GGT1: variants seen among roughly 807,000 people sequenced by gnomAD.
The protein encoded by GGT1 is gamma-glutamyltransferase 1.
GGT1 carries 21 observed loss-of-function variants against 56.0 expected under a neutral mutation model. The ratio of observed to expected loss-of-function variants is 0.38; its 90% confidence interval spans 0.27 to 0.54. The LOEUF (loss-of-function observed/expected upper bound fraction) is 0.54. Among genes scored for constraint, GGT1 ranks in the 20% least tolerant of loss-of-function variants. The pLI is 0.82. For missense variants in GGT1, 466 were observed against 787.0 expected, an observed-to-expected ratio of 0.59 and a Z score of 4.88; for synonymous variants, 238 against 342.6, an observed-to-expected ratio of 0.69 and a Z score of 3.37.
chr22:24,586,512 G>T, the GGT1 span: 1 of 1,244,776 alleles, frequency 8.0e-7, no homozygotes, highest in Non-Finnish European at 1.1e-6. Flanking sequence ...CTACAGTCTG[G>T]CAAAGCCAGA....
chr22:24,617,115 A>G (rs1415967677), intron 7 of GGT1, among the ~76,000 whole-genome samples: 1 of 152,154 alleles, frequency 6.6e-6, no homozygotes, highest in African/African-American at 2.4e-5. Flanking sequence ...CTGTAGAAAA[A>G]CAGGTCTGGA....
chr22:24,590,468 TG>T (rs2045536562), upstream of GGT1, among the ~76,000 whole-genome samples: 2 of 151,968 alleles, frequency 1.3e-5, no homozygotes, highest in South Asian at 2.1e-4. Flanking sequence ...CTCAGGGAAG[TG>T]GTAAGTGAAT....
chr22:24,603,687 T>TA (rs766887762), intron 1 of GGT1, among the ~76,000 whole-genome samples, 160 bp downstream of exon 1: 1 of 151,586 alleles, frequency 6.6e-6, no homozygotes, highest in Non-Finnish European at 1.5e-5. Context: ...GAGAGAGCCG[T>TA]GGCTTCTTGG....
At chr22:24,586,880 C>T in the GGT1 span, among the ~76,000 whole-genome samples, 1 of 152,232 alleles carries the variant, frequency 6.6e-6, no homozygotes, top group Non-Finnish European at 1.5e-5. Context: ...CTCAGAGGCT[C>T]AGTTTCCCCT....
At chr22:24,589,805 T>G in the GGT1 span, 1 of 1,606,618 alleles carries the variant, frequency 6.2e-7, no homozygotes, top group African/African-American at 1.3e-5. Flanking sequence ...CCAGGGCCCG[T>G]GCCTGCCAGC....
At chr22:24,590,089 C>T (rs1375860786), upstream of GGT1, 10 of 1,022,750 alleles carry the variant, frequency 9.8e-6, no homozygotes, top group African/African-American at 6.6e-5. Context: ...TCCCCACAGG[C>T]GGCCATGGGC....
chr22:24,588,261 C>T, the GGT1 span: 13 of 1,613,552 alleles, frequency 8.1e-6, no homozygotes, highest in Admixed American at 1.2e-4. Context: ...GCTGCTGCTT[C>T]GAGTGAGGGG....
chr22:24,626,511 TTA>T (rs201858787), intron 11 of GGT1, among the ~76,000 whole-genome samples: 3,953 of 150,412 alleles, frequency 0.026, 113 homozygotes, highest in African/African-American at 0.073. Context: ...TTTATTTTTT[TTA>T]ATACGTGCAC....
At chr22:24,613,560 G>A (rs1425796121) in intron 5 of GGT1, among the ~76,000 whole-genome samples, 2 of 151,856 alleles carry the variant, frequency 1.3e-5, no homozygotes, top group Non-Finnish European at 2.9e-5. Flanking sequence ...GACCAGCCTG[G>A]CCAACATGGT....
chr22:24,602,309 T>A (rs73404977), upstream of GGT1, among the ~76,000 whole-genome samples: 3,752 of 152,240 alleles, frequency 0.025, 145 homozygotes, highest in African/African-American at 0.084. Context: ...CTCTTCCCCC[T>A]GGGGTGACCA....
chr22:24,627,003 C>T (rs2047828924), intron 11 of GGT1, among the ~76,000 whole-genome samples: 1 of 151,548 alleles, frequency 6.6e-6, no homozygotes, highest in East Asian at 1.9e-4. Flanking sequence ...GACCACTCTG[C>T]CCATACCTCA....
intron 9 of GGT1, 120 bp from the exon 10 acceptor site, chr22:24,622,987 G>A (rs1219743237): frequency 8.4e-7 from 1 of 1,195,690 alleles, no homozygotes; most frequent in Non-Finnish European, 1.2e-6. Flanking sequence ...GTAGGTACAG[G>A]CTTTTCCCCA....
intron 11 of GGT1, chr22:24,627,062 T>G (rs1278147275): frequency 2.4e-4 from 104 of 427,296 alleles, no homozygotes; most frequent in Non-Finnish European, 3.6e-4. Flanking sequence ...ACTTTCCCTG[T>G]GTGTGTTTGT....
chr22:24,620,810 C>T lies in GGT1; in HGVS notation c.576-103C>T, dbSNP rs1432374033. 19 of 1,494,974 alleles carry T rather than the reference C, an allele frequency of 1.3e-5. No individual in the cohort carries two copies. Among genetic ancestry groups the T allele is most frequent in the Non-Finnish European group, 1.6e-5 (18 of 1,115,450 alleles). 92.6% of individuals were successfully genotyped at this position (1,494,974 alleles called of 1,614,324 possible). On this transcript the variant is annotated intron_variant, in intron 8 of 15. Transcript: ENST00000400382. This position sits in a 1 kb window ranked among gnomAD's most constrained non-coding sequence, Gnocchi z 5.6. ...GACAGGGCCACCCACCTGTGACAGG[C>T]GCTGCCCCTGTTCTGCTCCGTTCTC... is the stretch of plus-strand genomic sequence containing the variant.
the GGT1 span, among the ~76,000 whole-genome samples, chr22:24,583,996 C>A: frequency 6.6e-6 from 1 of 152,200 alleles, no homozygotes; most frequent in Admixed American, 6.5e-5. Context: ...GCTCTCATAC[C>A]GTTTTGATTT....
chr22:24,617,779 C>T (rs534210072), intron 7 of GGT1, among the ~76,000 whole-genome samples: 1 of 152,058 alleles, frequency 6.6e-6, no homozygotes, highest in African/African-American at 2.4e-5. Flanking sequence ...GCAGCCCAGG[C>T]CAGCAGGTCA....
chr22:24,614,763 T>G lies in GGT1; in HGVS notation c.165-13T>G, dbSNP rs777317114. The G allele has an allele frequency of 1.2e-6, 2 of 1,613,330 alleles. No homozygotes were observed. The highest frequency in any genetic ancestry group is 1.7e-6 in the Non-Finnish European group (2 of 1,179,686). On this transcript the variant is annotated splice_polypyrimidine_tract_variant and intron_variant, in intron 5 of 15. Transcript: ENST00000400382. ...GCCTGCAGGTTCTCATGCCTTTATG[T>G]GCCACATGGCAGGGATGCACTGCGG... is the stretch of plus-strand genomic sequence containing the variant.
In GGT1 at chr22:24,628,158, G is replaced by A; in HGVS notation, c.1414G>A (p.Ala472Thr). The change falls in exon 14 of 16, where the codon GCT becomes ACT. Residue 472 changes from alanine (A) to threonine (T), a missense_variant. This residue lies in a region of GGT1 where 456 missense variants were observed against 716.7 expected (regional missense o/e 0.64). Coordinates refer to ENST00000400382, the MANE Select transcript of GGT1 (RefSeq NM_001288833.2). This position sits in a 1 kb window ranked among gnomAD's most constrained non-coding sequence, Gnocchi z 5.7. ...DGQVRMVVGA[A>T]GGTQITTATA... ...CCAGGTCCGGATGGTGGTGGGAGCT[G>A]CTGGGGGCACACAGATCACCACGGC... The A allele has an allele frequency of 2.5e-6, 4 of 1,612,038 alleles. No homozygotes were observed. The highest frequency in any genetic ancestry group is 3.4e-6 in the Non-Finnish European group (4 of 1,179,856).
chr22:24,589,336 T>C, the GGT1 span: 1 of 1,162,606 alleles, frequency 8.6e-7, no homozygotes, highest in African/African-American at 1.7e-5. Flanking sequence ...TGACCCCAGC[T>C]GTTGTAGGGG....
Sources: allele counts gnomAD v4.1 joint callset (sites outside exome capture counted in the v4.1 genomes callset), GRCh38; gene constraint gnomAD v4.1.1; regional missense constraint gnomAD v4.1.1; non-coding constraint Gnocchi (gnomAD v3.1); transcripts MANE v1.5; gene names NCBI Gene and HGNC (gene_info 2026-07-23, HGNC 2026-07-21).